The following GPC5 variants were observed in gnomAD, a reference collection of about 807,000 sequenced individuals.
GPC5 encodes the protein glypican 5, also known as glypican-5.
A neutral mutation model predicts 53.9 loss-of-function variants in GPC5; 47 were observed. That is an observed-to-expected ratio of 0.87 (90% CI 0.69 to 1.11). The LOEUF is 1.11. Ranked by LOEUF, GPC5 falls within the 50% of genes most tolerant of loss-of-function variation. GPC5 has a pLI of 0.00. For synonymous variants in GPC5, 286 were observed against 263.3 expected, an observed-to-expected ratio of 1.09 and a Z score of -0.84; for missense variants, 748 against 713.1, an observed-to-expected ratio of 1.05 and a Z score of -0.56.
intron 2 of GPC5, among the ~76,000 whole-genome samples, chr13:91,689,577 T>C (rs2035710068): frequency 1.3e-5 from 2 of 151,410 alleles, no homozygotes; most frequent in African/African-American, 4.8e-5. Context: ...ATGTTTTCTT[T>C]ATATCCTCAC....
intron 7 of GPC5, among the ~76,000 whole-genome samples, chr13:92,594,293 C>T (rs191583471): frequency 1.0e-3 from 157 of 152,230 alleles, no homozygotes; most frequent in African/African-American, 3.7e-3. Flanking sequence ...AAGGCAGGCA[C>T]GGGACTGTCA....
intron 6 of GPC5, among the ~76,000 whole-genome samples, chr13:92,050,396 A>G (rs944709502): frequency 3.3e-5 from 5 of 152,178 alleles, no homozygotes; most frequent in Non-Finnish European, 7.3e-5. Flanking sequence ...GGTGGCTTTC[A>G]CTGAGTGGTT....
At chr13:92,276,721 A>G (rs900136127) in intron 7 of GPC5, among the ~76,000 whole-genome samples, 1 of 152,160 alleles carries the variant, frequency 6.6e-6, no homozygotes, top group Non-Finnish European at 1.5e-5. Flanking sequence ...ATCAGAATTA[A>G]GAGCCTTTTA....
chr13:92,386,839 C>T (rs1350456234), intron 7 of GPC5, among the ~76,000 whole-genome samples: 1 of 152,036 alleles, frequency 6.6e-6, no homozygotes, highest in African/African-American at 2.4e-5. Context: ...TTTAAAAATA[C>T]TCTCTGCTAT....
At chr13:92,758,232 A>G (rs1874987775) in intron 7 of GPC5, among the ~76,000 whole-genome samples, 1 of 141,444 alleles carries the variant, frequency 7.1e-6, no homozygotes, top group Admixed American at 7.2e-5. Flanking sequence ...TATCGCAAGA[A>G]CAAAAAACCA....
intron 7 of GPC5, among the ~76,000 whole-genome samples, chr13:92,522,983 T>C (rs1357422124): frequency 1.3e-5 from 2 of 152,154 alleles, no homozygotes; most frequent in Non-Finnish European, 2.9e-5. Flanking sequence ...TGCTGAAAAT[T>C]AGACTGTGCA....
At position 91,693,567 on chromosome 13, in the gene GPC5, A is replaced by C. The variant is rs763076823; in HGVS notation, c.706A>C (p.Ile236Leu). 6.2e-7 allele frequency: 1 copy of C among 1,614,094 alleles called. No individual in the cohort carries two copies. Among genetic ancestry groups the C allele is most frequent in the Admixed American group, 1.7e-5 (1 of 60,006 alleles). Residue 236 changes from isoleucine (I) to leucine (L), a missense_variant, in exon 3 of 8, where the codon ATC becomes CTC. Transcript: ENST00000377067. ...LQALNLGIEVINTTDYLHFSK... is the reference protein window; with the variant it reads ...LQALNLGIEVLNTTDYLHFSK... Reference sequence around the variant, plus strand: ...GGCACTCAATCTGGGCATTGAAGTCATCAACACCACAGACTATCTGCACTT... The same window carrying C: ...GGCACTCAATCTGGGCATTGAAGTCCTCAACACCACAGACTATCTGCACTT...
chr13:92,078,134 C>T (rs2041267761), intron 6 of GPC5, among the ~76,000 whole-genome samples: 1 of 152,058 alleles, frequency 6.6e-6, no homozygotes, highest in Admixed American at 6.6e-5. Flanking sequence ...AGCTAAAGAC[C>T]ATTTACAATA....
intron 7 of GPC5, among the ~76,000 whole-genome samples, chr13:92,632,486 A>G (rs1885276945): frequency 2.4e-5 from 1 of 41,072 alleles, no homozygotes; most frequent in Admixed American, 2.6e-4. Flanking sequence ...ATATATATAT[A>G]CACATATATA....
At chr13:91,459,596 G>C (rs764379656) in intron 2 of GPC5, among the ~76,000 whole-genome samples, 11 of 152,034 alleles carry the variant, frequency 7.2e-5, no homozygotes, top group Non-Finnish European at 1.5e-4. Flanking sequence ...ACATGGACTT[G>C]AGTCTCCAAG....
At chr13:92,503,115 CAAGG>C (rs1880249055) in intron 7 of GPC5, among the ~76,000 whole-genome samples, 1 of 151,854 alleles carries the variant, frequency 6.6e-6, no homozygotes, top group African/African-American at 2.4e-5. Context: ...GTGCAGAAAA[CAAGG>C]AACAACATTA....
Position 92,836,038 on chromosome 13 carries a change from CT to C in GPC5, c.1562-30236del, listed in dbSNP as rs550023090. Among the ~76,000 whole-genome samples the C allele has an allele frequency of 3.4e-3, 520 of 151,774 alleles. 4 individuals are homozygous for C. The highest frequency in any genetic ancestry group is 0.014 in the South Asian group (69 of 4,806). On this transcript the variant is annotated intron_variant, in intron 7 of 7. Transcript: ENST00000377067. ...CTCCACTGTTTATTGAATCACTTGA[CT>C]TTTTTTTGTCAATTGCAGGGATGAT...
intron 5 of GPC5, among the ~76,000 whole-genome samples, chr13:91,862,633 A>T (rs1248176425): frequency 6.6e-6 from 1 of 152,156 alleles, no homozygotes; most frequent in Admixed American, 6.6e-5. Flanking sequence ...CATATAGATG[A>T]TTCTATATAT....
At chr13:92,815,085 A>C (rs1206411928) in intron 7 of GPC5, among the ~76,000 whole-genome samples, 2 of 152,024 alleles carry the variant, frequency 1.3e-5, no homozygotes, top group East Asian at 3.9e-4. Context: ...GGGATGCATC[A>C]GTGAACAAAA....
At chr13:92,338,307 A>G (rs1048517738) in intron 7 of GPC5, among the ~76,000 whole-genome samples, 4 of 152,144 alleles carry the variant, frequency 2.6e-5, no homozygotes, top group Non-Finnish European at 5.9e-5. Context: ...GATGTGGAGC[A>G]ACAGGAACTA....
chr13:92,159,295 G>A (rs551202524), intron 7 of GPC5, among the ~76,000 whole-genome samples: 2 of 152,216 alleles, frequency 1.3e-5, no homozygotes, highest in South Asian at 2.1e-4. Flanking sequence ...TTTTCTGCTG[G>A]CATTACATCA....
intron 6 of GPC5, among the ~76,000 whole-genome samples, chr13:92,018,827 A>G (rs75763062): frequency 2.9e-4 from 44 of 152,252 alleles, no homozygotes; most frequent in African/African-American, 1.0e-3. Flanking sequence ...GTACATTTCT[A>G]TAACAAAATC....
intron 7 of GPC5, among the ~76,000 whole-genome samples, chr13:92,609,349 A>T (rs1884361053): frequency 6.6e-6 from 1 of 152,152 alleles, no homozygotes; most frequent in Non-Finnish European, 1.5e-5. Context: ...TACCTTAGAT[A>T]AGTTACTACC....
intron 7 of GPC5, among the ~76,000 whole-genome samples, chr13:92,511,351 G>A (rs939963741): frequency 6.6e-6 from 1 of 152,104 alleles, no homozygotes; most frequent in African/African-American, 2.4e-5. Context: ...TGGACTTACT[G>A]TAGTTTCCAC....
Sources: allele counts gnomAD v4.1 joint callset (sites outside exome capture counted in the v4.1 genomes callset), GRCh38; gene constraint gnomAD v4.1.1; transcripts MANE v1.5; gene names NCBI Gene and HGNC (gene_info 2026-07-23, HGNC 2026-07-21).